The following PHKB variants were observed in gnomAD, a reference collection of about 807,000 sequenced individuals.
PHKB encodes phosphorylase kinase regulatory subunit beta, also known as phosphorylase b kinase regulatory subunit beta.
In PHKB, 122 loss-of-function variants were observed where a neutral mutation model predicts 152.1. The observed-to-expected ratio is 0.80, with a 90% CI of 0.69 to 0.93. The LOEUF is 0.93. Among genes scored for constraint, PHKB ranks in the 40% least tolerant of loss-of-function variants. PHKB has a pLI of 0.00. For synonymous variants in PHKB, 436 were observed against 464.9 expected (o/e 0.94, Z 0.80); for missense variants, 1,304 against 1,328.4 (o/e 0.98, Z 0.29).
Position 47,511,725 on chromosome 16 carries a change from C to G in PHKB, c.466C>G (p.His156Asp). The G allele has an allele frequency of 1.2e-6, 2 of 1,612,526 alleles. No individual in the cohort carries two copies. The highest frequency in any genetic ancestry group is 1.7e-6 in the Non-Finnish European group (2 of 1,178,518). ...ATGTCTTCACTCTGTTTTCAATGTG[C>G]ATACAGGAGATGAGTTGCTTTCCTA... ...TTCLHSVFNV[H>D]TGDELLSYEE... Residue 156 changes from histidine (H) to aspartate (D), a missense_variant, in exon 5 of 31, where the codon CAT (histidine) becomes GAT (aspartate). Physicochemically the swap from His to Asp is moderately conservative, Grantham distance 81. Coordinates refer to ENST00000323584, the MANE Select transcript of PHKB (RefSeq NM_000293.3).
intron 13 of PHKB, chr16:47,598,766 C>T (rs1972167981): frequency 6.3e-7 from 1 of 1,585,644 alleles, no homozygotes; most frequent in Non-Finnish European, 8.6e-7. Flanking sequence ...TAAAGAATCA[C>T]CTCTTCTAAT....
chr16:47,497,333 A>G, intron 1 of PHKB, 66 bp from the exon 2 acceptor site: 1 of 968,484 alleles, frequency 1.0e-6, no homozygotes, highest in Non-Finnish European at 1.6e-6. Flanking sequence ...TCATTTGTTT[A>G]GAGTTTTTCT....
intron 30 of PHKB, among the ~76,000 whole-genome samples, 185 bp downstream of exon 30, chr16:47,698,773 C>T (rs1412759748): frequency 6.6e-6 from 1 of 151,968 alleles, no homozygotes; most frequent in Non-Finnish European, 1.5e-5. Context: ...AATTACTAGT[C>T]AGTTCAGCTG....
chr16:47,510,472 C>T (rs893926947), intron 4 of PHKB, among the ~76,000 whole-genome samples: 4 of 152,136 alleles, frequency 2.6e-5, no homozygotes, highest in Admixed American at 6.5e-5. Context: ...TATGAACAAA[C>T]GACATTCTTT....
At chr16:47,605,417 G>A (rs903236590) in intron 13 of PHKB, among the ~76,000 whole-genome samples, 12 of 152,276 alleles carry the variant, frequency 7.9e-5, no homozygotes, top group Non-Finnish European at 1.6e-4. Flanking sequence ...TAATAGATTA[G>A]CATTTATGCT....
At chr16:47,499,664 G>C in intron 2 of PHKB, 92 bp from the exon 3 acceptor site, 1 of 1,457,716 alleles carries the variant, frequency 6.9e-7, no homozygotes, top group South Asian at 1.1e-5. Context: ...ATCGTCAGAA[G>C]TGGGATGAGG....
rs139832631 is a variant in PHKB, at chr16:47,527,836, T to C, written c.594+12235T>C. On this transcript the variant is annotated intron_variant, in intron 6 of 30. Transcript: ENST00000323584. ...TAGAAAGGAATACCAGGGGTGTGTG[T>C]GCACAAAGGAAAGGCCACATGAGGA... Among the ~76,000 whole-genome samples, 635 of 152,270 alleles carry C rather than the reference T, an allele frequency of 4.2e-3. 6 individuals carry two copies. Among genetic ancestry groups the C allele is most frequent in the African/African-American group, 0.015 (605 of 41,554 alleles).
intron 1 of PHKB, among the ~76,000 whole-genome samples, chr16:47,466,983 G>C (rs1969680763): frequency 6.6e-6 from 1 of 152,074 alleles, no homozygotes; most frequent in Admixed American, 6.5e-5. Flanking sequence ...TGATCCTGAG[G>C]AAGCTATATC....
intron 10 of PHKB, 118 bp downstream of exon 10, chr16:47,589,220 C>A: frequency 1.5e-6 from 1 of 678,690 alleles, no homozygotes; most frequent in Non-Finnish European, 2.5e-6. Flanking sequence ...TGGCCCTGGG[C>A]CAGTTAATTA....
intron 1 of PHKB, among the ~76,000 whole-genome samples, chr16:47,483,442 C>T (rs1159207667): frequency 1.3e-5 from 2 of 152,030 alleles, no homozygotes; most frequent in East Asian, 3.9e-4. Flanking sequence ...TCATTTAAGC[C>T]TTAGAAGTTT....
At chr16:47,522,181 A>T (rs1236344462) in intron 6 of PHKB, among the ~76,000 whole-genome samples, 1 of 152,106 alleles carries the variant, frequency 6.6e-6, no homozygotes, top group African/African-American at 2.4e-5. Context: ...TTATCAGTAA[A>T]GCTTGCTGGG....
At chr16:47,572,377 T>G (rs1971675984) in intron 7 of PHKB, among the ~76,000 whole-genome samples, 1 of 152,248 alleles carries the variant, frequency 6.6e-6, no homozygotes, top group African/African-American at 2.4e-5. Context: ...CAGTGAATTC[T>G]CCGATGGACT....
intron 1 of PHKB, among the ~76,000 whole-genome samples, chr16:47,493,418 G>C (rs1379813731): frequency 6.6e-6 from 1 of 152,064 alleles, no homozygotes; most frequent in Non-Finnish European, 1.5e-5. Flanking sequence ...TTATTTTAGA[G>C]CTAGCTTTTT....
intron 7 of PHKB, among the ~76,000 whole-genome samples, chr16:47,570,404 G>A (rs1971638428): frequency 6.6e-6 from 1 of 152,160 alleles, no homozygotes; most frequent in African/African-American, 2.4e-5. Context: ...TCTTCTCCCT[G>A]AGGAACAACT....
At chr16:47,489,764 T>A (rs1970114726) in intron 1 of PHKB, among the ~76,000 whole-genome samples, 2 of 152,344 alleles carry the variant, frequency 1.3e-5, no homozygotes, top group South Asian at 4.1e-4. Flanking sequence ...GCTATGCAAG[T>A]TGAGCTTGAC....
intron 7 of PHKB, chr16:47,565,337 T>G: frequency 1.2e-6 from 1 of 833,512 alleles, no homozygotes; most frequent in Non-Finnish European, 2.1e-6. Flanking sequence ...TACTTTATTT[T>G]CATCTTTTCT....
intron 6 of PHKB, among the ~76,000 whole-genome samples, chr16:47,522,961 ATTTT>A (rs375826369): frequency 8.2e-6 from 1 of 122,504 alleles, no homozygotes; most frequent in African/African-American, 3.0e-5. Flanking sequence ...TTTCAAGTCA[ATTTT>A]TTTTTTTTTT....
rs201052300 is a variant in PHKB at position 47,474,728 on chromosome 16, GT to G, written c.76+13315del. ...ACTTCAGTCAGTGGACTATTTTCTT[GT>G]TTTTTTTTTTTTGAGATGGAGTTTT... On this transcript the variant is annotated intron_variant, in intron 1 of 30. Transcript: ENST00000323584. 1.6e-3 allele frequency among the ~76,000 whole-genome samples: 231 copies of G among 143,338 alleles called. No individual in the cohort carries two copies. In the Middle Eastern group the frequency reaches 0.018, roughly 11 times the overall value. The allele number at this position is 143,338 out of a possible 152,430, so 94.0% of individuals were successfully genotyped here. A position where few individuals can be genotyped will look rare whatever the true frequency, so the allele number is the denominator to read the frequency against.
chr16:47,515,218 A>G (rs1970575541), intron 5 of PHKB, among the ~76,000 whole-genome samples: 1 of 152,220 alleles, frequency 6.6e-6, no homozygotes, highest in South Asian at 2.1e-4. Context: ...TATTTTTTTC[A>G]AAGTTCTTTT....
Sources: gnomAD v4.1 joint callset for allele counts (sites outside exome capture counted in the v4.1 genomes callset) on GRCh38, gnomAD v4.1.1 for gene constraint, MANE v1.5 for transcripts, NCBI Gene and HGNC (gene_info 2026-07-23, HGNC 2026-07-21) for gene names.